Variants in PDE1A observed in about 807,000 individuals in gnomAD.
PDE1A encodes the protein phosphodiesterase 1A.
Under a neutral mutation model 61.7 loss-of-function variants are expected in PDE1A, and 35 were observed. The ratio of observed to expected loss-of-function variants is 0.57; its 90% confidence interval spans 0.43 to 0.75. The LOEUF (loss-of-function observed/expected upper bound fraction) is 0.75, where lower values mean the gene tolerates loss of function less well. PDE1A is among the 30% of genes least tolerant of loss of function. The probability of loss-of-function intolerance (pLI) is 0.00; values close to 1 mark genes in which losing one functional copy is unlikely to be tolerated. For synonymous variants in PDE1A, 232 were observed against 213.2 expected (o/e 1.09, Z -0.77); for missense variants, 597 against 630.6 (o/e 0.95, Z 0.57).
At chr2:182,279,704 C>G (rs1039722824) in intron 1 of PDE1A, among the ~76,000 whole-genome samples, 1 of 151,852 alleles carries the variant, frequency 6.6e-6, no homozygotes, top group Admixed American at 6.6e-5. Flanking sequence ...TTTACAAATA[C>G]ATATAGTTTT....
chr2:182,690,212 G>A, the PDE1A span, among the ~76,000 whole-genome samples: 2 of 152,066 alleles, frequency 1.3e-5, no homozygotes, highest in African/African-American at 4.8e-5. Flanking sequence ...CCAAAGCCTG[G>A]CAGAGACACA....
At chr2:182,531,023 T>C in the PDE1A span, among the ~76,000 whole-genome samples, 1 of 152,080 alleles carries the variant, frequency 6.6e-6, no homozygotes. Flanking sequence ...GTGAGAGTTC[T>C]ATACTTCTCT....
intron 1 of PDE1A, among the ~76,000 whole-genome samples, chr2:182,338,270 G>A (rs1697967489): frequency 6.6e-6 from 1 of 152,084 alleles, no homozygotes; most frequent in African/African-American, 2.4e-5. Flanking sequence ...GCCATCTTTG[G>A]GTCTCAGCTT....
the PDE1A span, among the ~76,000 whole-genome samples, chr2:182,651,565 C>A: frequency 6.6e-6 from 1 of 152,146 alleles, no homozygotes; most frequent in African/African-American, 2.4e-5. Context: ...CCTACACATA[C>A]AAATTTATTC....
chr2:182,548,801 T>C, the PDE1A span, among the ~76,000 whole-genome samples: 1 of 152,168 alleles, frequency 6.6e-6, no homozygotes, highest in Non-Finnish European at 1.5e-5. Context: ...AGATAGGTCA[T>C]GCTAAGGTCA....
chr2:182,197,126 G>T (rs781497882), intron 10 of PDE1A, among the ~76,000 whole-genome samples: 1 of 151,416 alleles, frequency 6.6e-6, no homozygotes, highest in Non-Finnish European at 1.5e-5. Context: ...ATTCTCATGG[G>T]GCTATATGAT....
In PDE1A at chr2:182,246,401, C is replaced by T. The variant is rs112858399; in HGVS notation, c.168-6109G>A. 6.7e-4 allele frequency among the ~76,000 whole-genome samples: 41 copies of T among 61,470 alleles called. 4 individuals are homozygous for T. Among genetic ancestry groups the T allele is most frequent in the African/African-American group, 9.9e-4 (10 of 10,146 alleles). 40.3% of individuals were successfully genotyped at this position (61,470 alleles called of 152,430 possible). On this transcript the variant is annotated intron_variant, in intron 2 of 13. Transcript: ENST00000351439. ...TCTACTATAGTCTTTTTTCTTTTTT[C>T]TTTCTTTTTTTTTTTTTTTTTTGAC...
intron 2 of PDE1A, among the ~76,000 whole-genome samples, chr2:182,432,369 A>T (rs1232327573): frequency 6.6e-6 from 1 of 152,066 alleles, no homozygotes; most frequent in Non-Finnish European, 1.5e-5. Flanking sequence ...AAAATACAGC[A>T]CACTACTCAA....
At chr2:182,410,075 G>C (rs1343480403) in intron 1 of PDE1A, among the ~76,000 whole-genome samples, 1 of 152,190 alleles carries the variant, frequency 6.6e-6, no homozygotes, top group Non-Finnish European at 1.5e-5. Flanking sequence ...CCACAGGCCA[G>C]ACATGGTGGC....
Position 182,264,230 on chromosome 2 carries a change from G to A in PDE1A, c.167+71C>T, listed in dbSNP as rs3769778. Reference sequence around the variant, plus strand: ...TGCTAAATTCCTGTTTGAGATAAAGGAGGGTCAAGAAAGAGGAAGAAAAAC... The same window carrying A: ...TGCTAAATTCCTGTTTGAGATAAAGAAGGGTCAAGAAAGAGGAAGAAAAAC... On this transcript the variant is annotated intron_variant, in intron 2 of 13. Coordinates refer to ENST00000351439, the Ensembl canonical transcript of PDE1A. 612 of 961,764 alleles carry A rather than the reference G, an allele frequency of 6.4e-4. 4 individuals are homozygous for A. In the East Asian group the frequency reaches 0.014, roughly 22 times the overall value. The allele number at this position is 961,764 out of a possible 1,614,324, so 59.6% of individuals were successfully genotyped here. A position where few individuals can be genotyped will look rare whatever the true frequency, so the allele number is the denominator to read the frequency against.
intron 2 of PDE1A, among the ~76,000 whole-genome samples, chr2:182,515,023 C>T (rs567025417): frequency 3.9e-5 from 6 of 152,148 alleles, no homozygotes; most frequent in African/African-American, 1.2e-4. Context: ...TTTTCATCTA[C>T]GGGACTCCTA....
chr2:182,227,985 TAGAG>T (rs896121566), intron 6 of PDE1A, among the ~76,000 whole-genome samples: 9 of 152,250 alleles, frequency 5.9e-5, no homozygotes, highest in Non-Finnish European at 8.8e-5. Context: ...CTCTTAGTAT[TAGAG>T]AGAACGCAGT....
intron 1 of PDE1A, among the ~76,000 whole-genome samples, chr2:182,309,862 TGC>T (rs1357214432): frequency 2.0e-5 from 3 of 152,112 alleles, no homozygotes; most frequent in Non-Finnish European, 2.9e-5. Context: ...GTGGAAAAGT[TGC>T]CTTGGAACTC....
At chr2:182,586,633 T>C in the PDE1A span, among the ~76,000 whole-genome samples, 2 of 152,188 alleles carry the variant, frequency 1.3e-5, no homozygotes, top group South Asian at 2.1e-4. Context: ...GATGTTTACA[T>C]CCTACAGTGG....
At chr2:182,331,699 G>A (rs991073166) in intron 1 of PDE1A, among the ~76,000 whole-genome samples, 1 of 152,192 alleles carries the variant, frequency 6.6e-6, no homozygotes, top group South Asian at 2.1e-4. Context: ...GGCTTGTAAG[G>A]TTTCTGCTGA....
chr2:182,315,754 C>A (rs1209582697), intron 1 of PDE1A, among the ~76,000 whole-genome samples: 7 of 152,148 alleles, frequency 4.6e-5, no homozygotes, highest in African/African-American at 1.7e-4. Flanking sequence ...CCCAGACTCC[C>A]AGCACAGAGT....
chr2:182,665,513 G>T, the PDE1A span, among the ~76,000 whole-genome samples: 2 of 152,130 alleles, frequency 1.3e-5, no homozygotes, highest in Admixed American at 6.6e-5. Flanking sequence ...AAACCACAAT[G>T]AGATACCATC....
At chr2:182,244,025 G>A (rs1203469414) in intron 2 of PDE1A, among the ~76,000 whole-genome samples, 3 of 151,960 alleles carry the variant, frequency 2.0e-5, no homozygotes, top group African/African-American at 7.2e-5. Flanking sequence ...GTGCCACCAC[G>A]CCTGGCTAAT....
At chr2:182,196,005 CTAAGAA>C (rs920423954) in intron 10 of PDE1A, among the ~76,000 whole-genome samples, 5 of 152,010 alleles carry the variant, frequency 3.3e-5, no homozygotes, top group African/African-American at 1.2e-4. Flanking sequence ...TGCAGTATGA[CTAAGAA>C]TAAGTGAGAG....
Sources: allele counts gnomAD v4.1 joint callset (sites outside exome capture counted in the v4.1 genomes callset), GRCh38; gene constraint gnomAD v4.1.1; transcripts MANE v1.5; gene names NCBI Gene and HGNC (gene_info 2026-07-23, HGNC 2026-07-21).